MRTFB: variants seen among roughly 807,000 people sequenced by gnomAD.
The protein encoded by MRTFB is myocardin related transcription factor B, also known as myocardin-related transcription factor B.
MRTFB carries 29 observed loss-of-function variants against 104.2 expected under a neutral mutation model. The observed-to-expected ratio is 0.28, with a 90% CI of 0.21 to 0.38. The LOEUF (loss-of-function observed/expected upper bound fraction) is 0.38, where lower values mean the gene tolerates loss of function less well. Ranked by LOEUF, MRTFB falls within the 10% of genes least tolerant of loss-of-function variation. MRTFB has a pLI of 1.00. For missense variants in MRTFB, 1,270 were observed against 1,341.6 expected (o/e 0.95, Z 0.83); for synonymous variants, 535 against 519.5 (o/e 1.03, Z -0.41).
chr16:14,025,179 A>C, the MRTFB span, among the ~76,000 whole-genome samples: 1 of 152,190 alleles, frequency 6.6e-6, no homozygotes, highest in African/African-American at 2.4e-5. Flanking sequence ...GAAGGATGAA[A>C]TAAATGTTTT....
chr16:14,119,353 G>C (rs1239285750), intron 2 of MRTFB, among the ~76,000 whole-genome samples: 1 of 152,144 alleles, frequency 6.6e-6, no homozygotes, highest in African/African-American at 2.4e-5. Context: ...ACAAGAGTAG[G>C]TTATAGTTTG....
At chr16:14,143,021 T>C (rs1353748757) in intron 3 of MRTFB, 1 of 152,232 alleles carries the variant, frequency 6.6e-6, no homozygotes, top group Non-Finnish European at 1.5e-5. Flanking sequence ...TGAATCTTTG[T>C]GGTCAGTGTT....
At chr16:14,093,583 T>A (rs572154802) in intron 2 of MRTFB, among the ~76,000 whole-genome samples, 2 of 152,216 alleles carry the variant, frequency 1.3e-5, no homozygotes, top group Non-Finnish European at 2.9e-5. Context: ...ATATAGATAC[T>A]ATGATCATTT....
At chr16:14,200,603 G>A in intron 3 of MRTFB, 1 of 1,592,754 alleles carries the variant, frequency 6.3e-7, no homozygotes, top group South Asian at 1.1e-5. Flanking sequence ...GAATATCACA[G>A]GTAGACTAAT....
rs1199658968 is a variant in MRTFB, at chr16:14,247,027, A to G, written c.1767A>G (p.Glu589=). 1 of 1,614,114 alleles carries G rather than the reference A, an allele frequency of 6.2e-7. No homozygotes were observed. The highest frequency in any genetic ancestry group is 8.5e-7 in the Non-Finnish European group (1 of 1,180,058). The change falls in exon 12 of 17, where the codon GAA becomes GAG. Residue 589 remains glutamate (E), a synonymous_variant. Coordinates refer to ENST00000571589, the MANE Select transcript of MRTFB (RefSeq NM_001308142.2). ...TCGAAGAGCTGAAGAGGAAACTGGA[A>G]CAAGAGCAGAAGCTCGTGGAAGTGC... is the stretch of plus-strand genomic sequence containing the variant. ...KQIEELKRKL[E]QEQKLVEVLK...
At chr16:14,053,951 C>T in the MRTFB span, among the ~76,000 whole-genome samples, 47 of 152,150 alleles carry the variant, frequency 3.1e-4, no homozygotes, top group Admixed American at 3.9e-4. Context: ...TATGGATTTC[C>T]TTTCCTTTGG....
At chr16:14,204,315 G>A (rs142610964) in intron 3 of MRTFB, among the ~76,000 whole-genome samples, 86 of 152,032 alleles carry the variant, frequency 5.7e-4, no homozygotes, top group Middle Eastern at 6.8e-3. Flanking sequence ...TTAAAATTTT[G>A]TTCTAAAAGC....
chr16:14,075,624 C>T (rs1364546641), intron 1 of MRTFB, among the ~76,000 whole-genome samples: 1 of 152,212 alleles, frequency 6.6e-6, no homozygotes, highest in African/African-American at 2.4e-5. Context: ...TGCTGCTGGT[C>T]CAAGGACCAT....
chr16:14,003,106 G>T, the MRTFB span, among the ~76,000 whole-genome samples: 2 of 152,060 alleles, frequency 1.3e-5, no homozygotes, highest in Non-Finnish European at 2.9e-5. Context: ...TTGAGCTATT[G>T]AGGACGTAGT....
At chr16:14,230,827 T>G (rs1339909343) in intron 8 of MRTFB, among the ~76,000 whole-genome samples, 1 of 151,808 alleles carries the variant, frequency 6.6e-6, no homozygotes, top group African/African-American at 2.4e-5. Context: ...TAAAGACACA[T>G]GCACACGTAT....
chr16:14,067,728 C>T (rs1220153380), upstream of MRTFB, among the ~76,000 whole-genome samples: 2 of 152,146 alleles, frequency 1.3e-5, no homozygotes, highest in Admixed American at 1.3e-4. Context: ...AGCTGGTATC[C>T]TTTCATGACT....
intron 1 of MRTFB, among the ~76,000 whole-genome samples, chr16:14,076,484 T>G (rs1034521698): frequency 6.6e-6 from 1 of 152,234 alleles, no homozygotes; most frequent in Non-Finnish European, 1.5e-5. Context: ...CATGAGCTAC[T>G]GCACCTGGCC....
intron 3 of MRTFB, among the ~76,000 whole-genome samples, chr16:14,160,756 G>A (rs1597114718): frequency 6.6e-6 from 1 of 151,072 alleles, no homozygotes; most frequent in Non-Finnish European, 1.5e-5. Context: ...TTTTTTAATT[G>A]GAAAGAGTCT....
chr16:14,040,832 G>C, the MRTFB span, among the ~76,000 whole-genome samples: 1 of 152,094 alleles, frequency 6.6e-6, no homozygotes, highest in Non-Finnish European at 1.5e-5. Flanking sequence ...TGGTATCTCT[G>C]GCTGGGCACA....
the MRTFB span, chr16:14,015,758 ACT>A: frequency 7.6e-6 from 3 of 396,042 alleles, no homozygotes; most frequent in Admixed American, 8.8e-5. Context: ...TTAAAATGAG[ACT>A]GTGTGATCCT....
intron 8 of MRTFB, among the ~76,000 whole-genome samples, chr16:14,224,288 TTTG>T (rs1433649832): frequency 6.6e-6 from 1 of 152,204 alleles, no homozygotes; most frequent in Non-Finnish European, 1.5e-5. Context: ...GTTTGACAGT[TTTG>T]TTGTTGTGAA....
the MRTFB span, among the ~76,000 whole-genome samples, chr16:14,003,177 C>A: frequency 6.6e-6 from 1 of 152,188 alleles, no homozygotes; most frequent in South Asian, 2.1e-4. Flanking sequence ...ATGGCCCTCC[C>A]TTGCAGAGGA....
the MRTFB span, among the ~76,000 whole-genome samples, chr16:14,033,793 G>A: frequency 2.2e-4 from 32 of 143,336 alleles, no homozygotes; most frequent in African/African-American, 4.2e-4. Flanking sequence ...CTGAGATCGC[G>A]CCACTGCACT....
the MRTFB span, among the ~76,000 whole-genome samples, chr16:14,007,347 G>A: frequency 6.6e-6 from 1 of 152,154 alleles, no homozygotes; most frequent in African/African-American, 2.4e-5. Flanking sequence ...ATGGACCTTT[G>A]AATCTGACTT....
Sources: allele counts gnomAD v4.1 joint callset (sites outside exome capture counted in the v4.1 genomes callset), GRCh38; gene constraint gnomAD v4.1.1; transcripts MANE v1.5; gene names NCBI Gene and HGNC (gene_info 2026-07-23, HGNC 2026-07-21).